Variants in CHIA observed in about 807,000 individuals in gnomAD.
CHIA encodes chitinase acidic, also known as acidic mammalian chitinase.
Under a neutral mutation model 53.5 loss-of-function variants are expected in CHIA, and 47 were observed. The ratio of observed to expected loss-of-function variants is 0.88; its 90% confidence interval spans 0.70 to 1.12. CHIA has a LOEUF of 1.12. Among genes scored for constraint, CHIA ranks in the 50% most tolerant of loss-of-function variants. The pLI is 0.00. For synonymous variants in CHIA, 268 were observed against 222.2 expected (o/e 1.21, Z -1.83); for missense variants, 652 against 592.2 (o/e 1.10, Z -1.05).
rs144005509 is a variant in CHIA at position 111,318,816 on chromosome 1, C to A, written c.915+138C>A. On this transcript the variant is annotated intron_variant, in intron 9 of 11. Transcript: ENST00000369740. ...ACAGCTGCTTAAAGTGTTTAAATAG[C>A]ATTCATTTACATAATCCAAATGAAT... 7.5e-6 allele frequency: 7 copies of A among 931,594 alleles called. No individual in the cohort carries two copies. In the African/African-American group the frequency reaches 1.2e-4, roughly 16 times the overall value. The allele number at this position is 931,594 out of a possible 1,614,324, so 57.7% of individuals were successfully genotyped here.
Position 111,318,479 on chromosome 1 carries a change from C to T in CHIA, c.730-14C>T. 1 of 1,607,340 alleles carries T rather than the reference C, an allele frequency of 6.2e-7. No homozygotes were observed. On this transcript the variant is annotated splice_polypyrimidine_tract_variant and intron_variant, in intron 8 of 11. Coordinates refer to ENST00000369740, the MANE Select transcript of CHIA (RefSeq NM_201653.4). Reference sequence around the variant, plus strand: ...AGCTGGTTGGGCCATGTAACTAACCCACTGACATTGCAGGATTATGTCATG... The same window carrying T: ...AGCTGGTTGGGCCATGTAACTAACCTACTGACATTGCAGGATTATGTCATG...
At chr1:111,291,256 C>T (rs201344791) in intron 1 of CHIA, among the ~76,000 whole-genome samples, 4 of 152,018 alleles carry the variant, frequency 2.6e-5, no homozygotes, top group East Asian at 3.9e-4. Flanking sequence ...GACATGGAAC[C>T]AACTCAAATG....
At chr1:111,313,570 T>C (rs1467131729) in intron 4 of CHIA, among the ~76,000 whole-genome samples, 1 of 152,226 alleles carries the variant, frequency 6.6e-6, no homozygotes, top group African/African-American at 2.4e-5. Flanking sequence ...ACTTGACATA[T>C]GGTTTCCAAC....
At chr1:111,319,490 C>T (rs374884131) in intron 11 of CHIA, 22 bp downstream of exon 11, 1 of 1,611,454 alleles carries the variant, frequency 6.2e-7, no homozygotes, top group South Asian at 1.1e-5. Context: ...AGGGGGAATG[C>T]CCAGGTGTAT....
intron 1 of CHIA, among the ~76,000 whole-genome samples, chr1:111,291,444 AG>A (rs1397501871): frequency 6.6e-6 from 1 of 152,056 alleles, no homozygotes; most frequent in Non-Finnish European, 1.5e-5. Flanking sequence ...CTCACTCATA[AG>A]ATGGAGTTGG....
chr1:111,302,623 A>G (rs1228654076), intron 1 of CHIA, among the ~76,000 whole-genome samples: 1 of 152,122 alleles, frequency 6.6e-6, no homozygotes, highest in African/African-American at 2.4e-5. Context: ...ACTTTGTATG[A>G]TCTCTATATT....
chr1:111,295,642 C>T (rs192541665), intron 1 of CHIA, among the ~76,000 whole-genome samples: 57 of 147,064 alleles, frequency 3.9e-4, no homozygotes, highest in African/African-American at 1.3e-3. Flanking sequence ...CTCATTGGGA[C>T]TGGTTAGAAG....
At chr1:111,294,799 AT>A (rs1359426993) in intron 1 of CHIA, among the ~76,000 whole-genome samples, 12 of 152,092 alleles carry the variant, frequency 7.9e-5, no homozygotes, top group Non-Finnish European at 1.6e-4. Context: ...TGATTATGCC[AT>A]TTTTTTCTTC....
At chr1:111,296,734 G>A (rs560494878) in intron 1 of CHIA, among the ~76,000 whole-genome samples, 1 of 152,338 alleles carries the variant, frequency 6.6e-6, no homozygotes, top group South Asian at 2.1e-4. Flanking sequence ...TTGATGAGTT[G>A]ACAGAAGTAG....
At chr1:111,296,020 C>A (rs1661315672) in intron 1 of CHIA, among the ~76,000 whole-genome samples, 1 of 152,216 alleles carries the variant, frequency 6.6e-6, no homozygotes, top group African/African-American at 2.4e-5. Context: ...GGGCATCCAC[C>A]ATTGCTGAGG....
rs1174987215 is a variant in CHIA, at chr1:111,311,698, T to A, written c.35T>A (p.Leu12His). Residue 12 changes from leucine to histidine, a missense_variant, in exon 3 of 12, where the codon CTT (leucine) becomes CAT (histidine). Transcript: ENST00000369740. The stretch of plus-strand genomic sequence containing the variant: ...TTTTCTTTCTATCCAGGTCTTGTCC[T>A]TATACTGAATTTGCAGCTCGGTAAG... The part of the protein sequence containing the change: ...TKLILLTGLV[L>H]ILNLQLGSAY... 1 of 1,614,042 alleles carries A rather than the reference T, an allele frequency of 6.2e-7. No individual in the cohort carries two copies. Among genetic ancestry groups the A allele is most frequent in the Admixed American group, 1.7e-5 (1 of 60,026 alleles).
chr1:111,306,339 G>A (rs6657000), intron 1 of CHIA, among the ~76,000 whole-genome samples: 19,941 of 152,132 alleles, frequency 0.13, 1,512 homozygotes, highest in African/African-American at 0.19. Context: ...GGTAGAAATG[G>A]CATTTCAAAT....
chr1:111,312,139 C>G, intron 3 of CHIA, 51 bp from the exon 4 acceptor site: 2 of 1,484,652 alleles, frequency 1.3e-6, no homozygotes, highest in Non-Finnish European at 1.9e-6. Context: ...TCACAGCACA[C>G]TTCAGTGGAT....
intron 1 of CHIA, among the ~76,000 whole-genome samples, chr1:111,298,112 C>T (rs976080923): frequency 6.6e-6 from 1 of 152,120 alleles, no homozygotes; most frequent in Non-Finnish European, 1.5e-5. Context: ...TAGAGACCTA[C>T]AAGGAGACTT....
chr1:111,294,018 G>A (rs1661192101), intron 1 of CHIA, among the ~76,000 whole-genome samples: 1 of 152,190 alleles, frequency 6.6e-6, no homozygotes, highest in African/African-American at 2.4e-5. Context: ...GGAAGTCAAG[G>A]ATGCAGTGAG....
intron 1 of CHIA, among the ~76,000 whole-genome samples, chr1:111,299,981 A>G (rs1647573618): frequency 6.6e-6 from 1 of 152,198 alleles, no homozygotes; most frequent in African/African-American, 2.4e-5. Context: ...CCTATGTACA[A>G]TCACTACAAA....
At position 111,312,262 on chromosome 1, in the gene CHIA, C is replaced by A. The variant is rs1336443440; in HGVS notation, c.128C>A (p.Pro43His). The A allele has an allele frequency of 1.9e-6, 3 of 1,614,018 alleles. No homozygotes were observed. In the African/African-American group the frequency reaches 4.0e-5, roughly 22 times the overall value. ...CGGCCAGGCCTGGGGCGCTTCATGC[C>A]TGACAACATCGACCCCTGCCTCTGT... ...QYRPGLGRFM[P>H]DNIDPCLCTH... Residue 43 changes from proline (P) to histidine (H), a missense_variant, in exon 4 of 12, where the codon CCT (proline) becomes CAT (histidine). By Grantham distance (77) the Pro-to-His change is moderately conservative (BLOSUM62 -2). Transcript: ENST00000369740.
chr1:111,300,215 G>A (rs1189860159), intron 1 of CHIA, among the ~76,000 whole-genome samples: 1 of 152,050 alleles, frequency 6.6e-6, no homozygotes, highest in African/African-American at 2.4e-5. Context: ...TTTCTTTACA[G>A]AATTGGAAAA....
At chr1:111,315,474 C>A in intron 6 of CHIA, 39 bp downstream of exon 6, 5 of 1,588,160 alleles carry the variant, frequency 3.1e-6, no homozygotes, top group Non-Finnish European at 4.3e-6. Flanking sequence ...CAAAAAGATT[C>A]AAAGTCTTTC....
Sources: allele counts gnomAD v4.1 joint callset (sites outside exome capture counted in the v4.1 genomes callset), GRCh38; gene constraint gnomAD v4.1.1; transcripts MANE v1.5; gene names NCBI Gene and HGNC (gene_info 2026-07-23, HGNC 2026-07-21).